VPS8: variants seen among roughly 807,000 people sequenced by gnomAD.
VPS8 encodes the protein vacuolar protein sorting-associated protein 8 homolog.
Under a neutral mutation model 216.4 loss-of-function variants are expected in VPS8, and 129 were observed. That is an observed-to-expected ratio of 0.60 (90% CI 0.52 to 0.69). The LOEUF (loss-of-function observed/expected upper bound fraction) is 0.69. VPS8 is among the 30% of genes least tolerant of loss of function. VPS8 has a pLI of 0.00. For synonymous variants in VPS8, 571 were observed against 565.4 expected, an observed-to-expected ratio of 1.01 and a Z score of -0.14; for missense variants, 1,531 against 1,683.5, an observed-to-expected ratio of 0.91 and a Z score of 1.59.
chr3:184,816,623 A>C (rs1359877488), intron 1 of VPS8, among the ~76,000 whole-genome samples: 1 of 152,198 alleles, frequency 6.6e-6, no homozygotes, highest in Non-Finnish European at 1.5e-5. Context: ...CTGTATCTAA[A>C]TGAATAAGGT....
chr3:184,965,521 G>A (rs548570342), intron 38 of VPS8, among the ~76,000 whole-genome samples: 1 of 152,302 alleles, frequency 6.6e-6, no homozygotes, highest in East Asian at 1.9e-4. Context: ...CCAAGAGAGT[G>A]CCAGCAGCTT....
intron 22 of VPS8, among the ~76,000 whole-genome samples, chr3:184,889,153 G>A (rs559265315): frequency 6.6e-6 from 1 of 152,204 alleles, no homozygotes; most frequent in South Asian, 2.1e-4. Context: ...TTGAACCACA[G>A]CATATAACAT....
rs550124206 is a variant in VPS8, at chr3:184,839,800, G to C, written c.535+48G>C. ...GCTTTTAAATATTAAGTGTCCTTTTGGGTTTTATAATGTCCTTTAATCACA... is the reference window on the plus strand; with the variant it reads ...GCTTTTAAATATTAAGTGTCCTTTTCGGTTTTATAATGTCCTTTAATCACA... On this transcript the variant is annotated intron_variant, in intron 7 of 47. Transcript: ENST00000625842. 1.2e-5 allele frequency: 19 copies of C among 1,554,704 alleles called. No homozygotes were observed. In the African/African-American group the frequency reaches 2.4e-4, roughly 20 times the overall value.
At chr3:184,847,519 T>C (rs1214680372) in intron 8 of VPS8, among the ~76,000 whole-genome samples, 2 of 152,146 alleles carry the variant, frequency 1.3e-5, no homozygotes, top group Non-Finnish European at 2.9e-5. Flanking sequence ...CATAGTGTAA[T>C]AGGGGAGGTA....
At chr3:184,830,724 A>G (rs529763310) in intron 3 of VPS8, among the ~76,000 whole-genome samples, 1 of 152,252 alleles carries the variant, frequency 6.6e-6, no homozygotes, top group South Asian at 2.1e-4. Context: ...TCTCTTGTTT[A>G]AGATCTTGAT....
intron 1 of VPS8, chr3:184,824,144 C>T (rs1452288447): frequency 6.5e-6 from 1 of 153,662 alleles, no homozygotes; most frequent in Non-Finnish European, 1.5e-5. Context: ...TGCTTATTTC[C>T]AGGGGAACTG....
chr3:184,857,960 A>G (rs535718861), intron 14 of VPS8, among the ~76,000 whole-genome samples: 45 of 152,338 alleles, frequency 3.0e-4, no homozygotes, highest in Middle Eastern at 3.4e-3. Flanking sequence ...AGGGGTCCAC[A>G]TGAAGGGCCC....
Position 185,051,763 on chromosome 3 carries a change from T to TA in VPS8, c.4138-112dup. 3.9e-6 allele frequency: 5 copies of TA among 1,282,562 alleles called. No homozygotes were observed. In the South Asian group the frequency reaches 8.8e-5, roughly 23 times the overall value. The allele number at this position is 1,282,562 out of a possible 1,614,324, so 79.4% of individuals were successfully genotyped here. On this transcript the variant is annotated intron_variant, in intron 47 of 47. Coordinates refer to ENST00000625842, the MANE Select transcript of VPS8 (RefSeq NM_001009921.3). ...GACCTAAGATTCAAACCCTGCATGT[T>TA]ACTACTCCTGCAACACAGCACTGTC...
chr3:184,947,487 T>C (rs1279422331), intron 36 of VPS8, among the ~76,000 whole-genome samples: 1 of 151,846 alleles, frequency 6.6e-6, no homozygotes, highest in Non-Finnish European at 1.5e-5. Flanking sequence ...CTTTTAGTCC[T>C]GAGAATTACT....
intron 1 of VPS8, among the ~76,000 whole-genome samples, chr3:184,821,826 C>G (rs1717664204): frequency 6.6e-6 from 1 of 152,078 alleles, no homozygotes; most frequent in African/African-American, 2.4e-5. Flanking sequence ...GTGGGATCTG[C>G]TCAGCCACAT....
chr3:184,882,123 T>A (rs566908788), intron 21 of VPS8, among the ~76,000 whole-genome samples: 1 of 151,880 alleles, frequency 6.6e-6, no homozygotes, highest in Non-Finnish European at 1.5e-5. Flanking sequence ...TGAAGAGAGG[T>A]GAGAGCAGAC....
At chr3:184,892,879 AC>A (rs1316829055) in intron 22 of VPS8, among the ~76,000 whole-genome samples, 1 of 152,232 alleles carries the variant, frequency 6.6e-6, no homozygotes, top group African/African-American at 2.4e-5. Context: ...CCTTTTAACA[AC>A]ACATTACAGA....
At chr3:184,929,195 TTTC>T in intron 32 of VPS8, among the ~76,000 whole-genome samples, 1 of 152,136 alleles carries the variant, frequency 6.6e-6, no homozygotes, top group African/African-American at 2.4e-5. Context: ...TATATTAATT[TTTC>T]TTTTTTTTCT....
chr3:184,964,571 A>C lies in VPS8; in HGVS notation c.3273+14A>C. Reference sequence around the variant, plus strand: ...ATAATGTTAGAGGTAACACTTTACTATGTTTCTTTCATCATATTTCTGTCT... The same window carrying C: ...ATAATGTTAGAGGTAACACTTTACTCTGTTTCTTTCATCATATTTCTGTCT... On this transcript the variant is annotated intron_variant, in intron 38 of 47. Transcript: ENST00000625842. 1 of 1,426,610 alleles carries C rather than the reference A, an allele frequency of 7.0e-7. No individual in the cohort carries two copies. Among genetic ancestry groups the C allele is most frequent in the Non-Finnish European group, 9.4e-7 (1 of 1,063,386 alleles). The allele number at this position is 1,426,610 out of a possible 1,614,324, so 88.4% of individuals were successfully genotyped here.
chr3:184,987,486 C>T (rs767195310), intron 42 of VPS8, among the ~76,000 whole-genome samples: 5 of 151,982 alleles, frequency 3.3e-5, no homozygotes, highest in Non-Finnish European at 7.4e-5. Flanking sequence ...TCATAGAGTG[C>T]GTAGTCTTTT....
intron 37 of VPS8, among the ~76,000 whole-genome samples, chr3:184,958,167 G>C (rs1013378181): frequency 6.6e-6 from 1 of 152,128 alleles, no homozygotes; most frequent in African/African-American, 2.4e-5. Context: ...TGGTTTTGAC[G>C]TAATAGATTG....
rs1742047753 is a variant in VPS8, at chr3:184,938,555, C to G, written c.2989-1642C>G. On this transcript the variant is annotated intron_variant, in intron 35 of 47. Coordinates refer to ENST00000625842, the MANE Select transcript of VPS8 (RefSeq NM_001009921.3). ...CTCTCCCCTTTAAAAGTCAGCACTT[C>G]TGGTAAATTTTGCCTGTGGTGGTGG... Among the ~76,000 whole-genome samples, 3 of 152,204 alleles carry G rather than the reference C, an allele frequency of 2.0e-5. No homozygotes were observed. In the South Asian group the frequency reaches 6.2e-4, roughly 32 times the overall value.
intron 36 of VPS8, among the ~76,000 whole-genome samples, chr3:184,944,225 A>G (rs1743274371): frequency 6.6e-6 from 1 of 152,222 alleles, no homozygotes; most frequent in Non-Finnish European, 1.5e-5. Context: ...TAGTTTCCTC[A>G]GTCAAATTAA....
At chr3:184,901,590 T>C (rs1347897836) in intron 25 of VPS8, among the ~76,000 whole-genome samples, 2 of 152,026 alleles carry the variant, frequency 1.3e-5, no homozygotes, top group African/African-American at 4.8e-5. Context: ...AGATCCTATA[T>C]AGTCTTTACA....
Sources: allele counts gnomAD v4.1 joint callset (sites outside exome capture counted in the v4.1 genomes callset), GRCh38; gene constraint gnomAD v4.1.1; transcripts MANE v1.5; gene names NCBI Gene and HGNC (gene_info 2026-07-23, HGNC 2026-07-21).